ATP5PO: variants seen among roughly 807,000 people sequenced by gnomAD.
ATP5PO encodes the protein ATP synthase peripheral stalk subunit OSCP, also known as ATP synthase peripheral stalk subunit OSCP, mitochondrial.
A neutral mutation model predicts 26.2 loss-of-function variants in ATP5PO; 14 were observed. The observed-to-expected ratio is 0.53, with a 90% CI of 0.35 to 0.83. The LOEUF is 0.83. Ranked by LOEUF, ATP5PO falls within the 40% of genes least tolerant of loss-of-function variation. ATP5PO has a pLI of 0.01. For missense variants in ATP5PO, 241 were observed against 258.5 expected (o/e 0.93, Z 0.46); for synonymous variants, 106 against 95.1 (o/e 1.12, Z -0.67).
At chr21:33,906,852 G>T in intron 5 of ATP5PO, 1 of 442,914 alleles carries the variant, frequency 2.3e-6, no homozygotes, top group Non-Finnish European at 4.6e-6. Context: ...TTAGCCGGGT[G>T]TGGTGGGGGT....
At chr21:33,911,585 G>T (rs933110803) in intron 3 of ATP5PO, among the ~76,000 whole-genome samples, 1 of 150,434 alleles carries the variant, frequency 6.6e-6, no homozygotes. Context: ...TAAAACCTGA[G>T]GAAAAGGTTT....
chr21:33,906,739 G>C (rs1987178133), intron 5 of ATP5PO: 4 of 456,116 alleles, frequency 8.8e-6, no homozygotes, highest in South Asian at 6.2e-5. Context: ...TTTATTCCCA[G>C]CACTTTAGGA....
chr21:33,915,669 G>C, intron 1 of ATP5PO, 59 bp downstream of exon 1: 1 of 1,543,540 alleles, frequency 6.5e-7, no homozygotes, highest in South Asian at 1.2e-5. Context: ...CTCGAGGTTT[G>C]GTACCGGTCA....
intron 3 of ATP5PO, among the ~76,000 whole-genome samples, chr21:33,910,767 C>T (rs1486281567): frequency 6.6e-6 from 1 of 152,118 alleles, no homozygotes; most frequent in Admixed American, 6.6e-5. Context: ...GTTTATCACA[C>T]CAGCTAAGAC....
Position 33,903,656 on chromosome 21 carries a change from A to G in ATP5PO, c.529-17T>C. 1 of 1,612,004 alleles carries G rather than the reference A, an allele frequency of 6.2e-7. No individual in the cohort carries two copies. The highest frequency in any genetic ancestry group is 8.5e-7 in the Non-Finnish European group (1 of 1,178,274). On this transcript the variant is annotated splice_polypyrimidine_tract_variant and intron_variant, in intron 6 of 6. Coordinates refer to ENST00000290299, the MANE Select transcript of ATP5PO (RefSeq NM_001697.3). Reference sequence around the variant, plus strand: ...CGGATCAGTCTACAAAAGAAGTAAGACTGGAAATGTGAAAACGCGCTAATC... The same window carrying G: ...CGGATCAGTCTACAAAAGAAGTAAGGCTGGAAATGTGAAAACGCGCTAATC...
At chr21:33,909,472 A>G (rs1168566746) in intron 3 of ATP5PO, among the ~76,000 whole-genome samples, 1 of 151,958 alleles carries the variant, frequency 6.6e-6, no homozygotes, top group African/African-American at 2.4e-5. Flanking sequence ...CGCCATGTTG[A>G]CCAGGCTGGT....
chr21:33,904,142 C>A, intron 5 of ATP5PO, 121 bp from the exon 6 acceptor site: 1 of 773,106 alleles, frequency 1.3e-6, no homozygotes, highest in Non-Finnish European at 2.0e-6. Flanking sequence ...GCTACCTGGG[C>A]CCATCATGGA....
intron 5 of ATP5PO, among the ~76,000 whole-genome samples, 173 bp from the exon 6 acceptor site, chr21:33,904,194 A>G (rs1987139429): frequency 6.6e-6 from 1 of 152,204 alleles, no homozygotes; most frequent in South Asian, 2.1e-4. Flanking sequence ...CTGGAGGTTC[A>G]GGGAGCACAG....
intron 5 of ATP5PO, among the ~76,000 whole-genome samples, chr21:33,905,936 A>AAAAAAAAAAAAAAAC (rs1987166397): frequency 6.6e-6 from 1 of 150,948 alleles, no homozygotes; most frequent in African/African-American, 2.4e-5. Context: ...AAAAAAAAAA[A>AAAAAAAAAAAAAAAC]AAGAAAATCA....
At position 33,904,231 on chromosome 21, in the gene ATP5PO, G is replaced by A. The variant is rs545714708; in HGVS notation, c.442-210C>T. Among the ~76,000 whole-genome samples the A allele has an allele frequency of 2.4e-4, 37 of 152,220 alleles. No homozygotes were observed. In the South Asian group the frequency reaches 4.4e-3, roughly 18 times the overall value. ...AAGGCCCTGCCTCACAGCATCACCCGGGCAGCTCCCACTCAGCCGTTCAAG... is the reference window on the plus strand; with the variant it reads ...AAGGCCCTGCCTCACAGCATCACCCAGGCAGCTCCCACTCAGCCGTTCAAG... On this transcript the variant is annotated intron_variant, in intron 5 of 6. Transcript: ENST00000290299.
chr21:33,908,096 A>G (rs1987197709), intron 4 of ATP5PO, among the ~76,000 whole-genome samples: 1 of 148,030 alleles, frequency 6.8e-6, no homozygotes, highest in African/African-American at 2.5e-5. Context: ...TAAGCCCAGG[A>G]GGCAGAGGTT....
intron 4 of ATP5PO, among the ~76,000 whole-genome samples, chr21:33,908,233 T>G (rs1331491792): frequency 1.4e-5 from 2 of 144,134 alleles, no homozygotes; most frequent in Admixed American, 1.4e-4. Flanking sequence ...GCATATCCAA[T>G]TTTTTTTTTT....
chr21:33,910,132 C>T (rs1372450516), intron 3 of ATP5PO, among the ~76,000 whole-genome samples: 1 of 152,220 alleles, frequency 6.6e-6, no homozygotes, highest in African/African-American at 2.4e-5. Context: ...CAGCATGTTG[C>T]TCCAGAGTTC....
In ATP5PO at chr21:33,903,968, T is replaced by A; in HGVS notation, c.495A>T (p.Leu165=). ...SELKTVLKSF[L]SQGQVLKLEA... ...CCAATTTCAATACTTGGCCTTGACT[T>A]AGGAAGCTCTTGAGGACAGTTTTTA... Residue 165 remains leucine, a synonymous_variant, in exon 6 of 7, where the codon CTA becomes CTT. Coordinates refer to ENST00000290299, the MANE Select transcript of ATP5PO (RefSeq NM_001697.3). 2 of 1,613,578 alleles carry A rather than the reference T, an allele frequency of 1.2e-6. No individual in the cohort carries two copies. The highest frequency in any genetic ancestry group is 2.2e-5 in the South Asian group (2 of 90,908).
chr21:33,905,918 GAAAA>G (rs59334506), intron 5 of ATP5PO, among the ~76,000 whole-genome samples: 10 of 98,462 alleles, frequency 1.0e-4, no homozygotes, highest in East Asian at 3.4e-4. Context: ...TCTCAAAAAA[GAAAA>G]AAAAAAAAAA....
Position 33,907,416 on chromosome 21 carries a change from T to C in ATP5PO, c.366A>G (p.Gln122=). ...LAENGRLSNT[Q]GVVSAFSTMM... is the part of the protein sequence containing the mutation. ...TGGTAGAAAAGGCAGAAACGACTCCTTGGGTATTGCTTAATCGACCATTTT... is the reference window on the plus strand; with the variant it reads ...TGGTAGAAAAGGCAGAAACGACTCCCTGGGTATTGCTTAATCGACCATTTT... The change falls in exon 5 of 7, where the codon CAA becomes CAG. Residue 122 remains glutamine, a synonymous_variant. Coordinates refer to ENST00000290299, the MANE Select transcript of ATP5PO (RefSeq NM_001697.3). 2.5e-6 allele frequency: 4 copies of C among 1,614,178 alleles called. No individual in the cohort carries two copies. Among genetic ancestry groups the C allele is most frequent in the Non-Finnish European group, 3.4e-6 (4 of 1,180,042 alleles).
At chr21:33,910,401 T>C (rs531836913) in intron 3 of ATP5PO, among the ~76,000 whole-genome samples, 17 of 152,208 alleles carry the variant, frequency 1.1e-4, no homozygotes, top group Non-Finnish European at 2.5e-4. Context: ...TTTTCATGTT[T>C]ATCTGTGTCT....
chr21:33,915,467 C>T, intron 1 of ATP5PO: 1 of 529,570 alleles, frequency 1.9e-6, no homozygotes, highest in Non-Finnish European at 3.3e-6. Context: ...CTCTCCTGCG[C>T]CCCTCAGGCT....
chr21:33,912,340 TGCA>T lies in ATP5PO; in HGVS notation c.144_146del (p.Ala49del). ...CTTGCTCCAGCTTATTCTGTTTTGA[TGCA>T]GCAGAATAAAGAGCTGTGGCATAGC... On this transcript the variant is annotated inframe_deletion, in exon 3 of 7. Transcript: ENST00000290299. The T allele has an allele frequency of 2.5e-6, 4 of 1,613,570 alleles. No individual in the cohort carries two copies. Among genetic ancestry groups the T allele is most frequent in the Non-Finnish European group, 3.4e-6 (4 of 1,179,738 alleles).
Sources: gnomAD v4.1 joint callset for allele counts (sites outside exome capture counted in the v4.1 genomes callset) on GRCh38, gnomAD v4.1.1 for gene constraint, MANE v1.5 for transcripts, NCBI Gene and HGNC (gene_info 2026-07-23, HGNC 2026-07-21) for gene names.